The following RYR3 variants were observed in gnomAD, a reference collection of about 807,000 sequenced individuals.
RYR3 encodes the protein ryanodine receptor 3.
Under a neutral mutation model 584.3 loss-of-function variants are expected in RYR3, and 207 were observed. The observed-to-expected ratio is 0.35, with a 90% CI of 0.32 to 0.40. The LOEUF (loss-of-function observed/expected upper bound fraction) is 0.40. Among genes scored for constraint, RYR3 ranks in the 10% least tolerant of loss-of-function variants. RYR3 has a pLI of 1.00. For missense variants in RYR3, 5,616 were observed against 6,089.2 expected, an observed-to-expected ratio of 0.92 and a Z score of 2.59; for synonymous variants, 2,416 against 2,248.5, an observed-to-expected ratio of 1.07 and a Z score of -2.11.
intron 45 of RYR3, 53 bp from the exon 46 acceptor site, chr15:33,726,333 G>A: frequency 2.5e-6 from 4 of 1,603,748 alleles, no homozygotes; most frequent in Non-Finnish European, 3.4e-6. Flanking sequence ...GTGGGGTGGA[G>A]GGAGGTGTGG....
At chr15:33,420,871 C>A (rs964491374) in intron 1 of RYR3, among the ~76,000 whole-genome samples, 1 of 152,078 alleles carries the variant, frequency 6.6e-6, no homozygotes, top group African/African-American at 2.4e-5. Context: ...ATGTCCATTA[C>A]CTACCTGCTG....
At chr15:33,686,243 A>G (rs2065001542) in intron 38 of RYR3, among the ~76,000 whole-genome samples, 1 of 152,192 alleles carries the variant, frequency 6.6e-6, no homozygotes. Flanking sequence ...AAAGGGGATG[A>G]TATCACCACC....
At chr15:33,844,062 A>G (rs1276291815) in intron 92 of RYR3, among the ~76,000 whole-genome samples, 1 of 152,188 alleles carries the variant, frequency 6.6e-6, no homozygotes, top group Non-Finnish European at 1.5e-5. Context: ...GTAGGCATGT[A>G]ATAATTGTTA....
chr15:33,556,785 C>G (rs747449191), intron 10 of RYR3, among the ~76,000 whole-genome samples: 3 of 152,124 alleles, frequency 2.0e-5, no homozygotes, highest in Non-Finnish European at 2.9e-5. Context: ...CTCCTCTCTC[C>G]CCTGGCTGCA....
At chr15:33,406,044 A>G (rs1372956560) in intron 1 of RYR3, among the ~76,000 whole-genome samples, 4 of 152,232 alleles carry the variant, frequency 2.6e-5, no homozygotes, top group Admixed American at 6.5e-5. Flanking sequence ...TGAACCAAGC[A>G]GTGTACCCAG....
chr15:33,716,915 G>A (rs1209135033), intron 43 of RYR3, among the ~76,000 whole-genome samples: 1 of 151,866 alleles, frequency 6.6e-6, no homozygotes, highest in African/African-American at 2.4e-5. Context: ...CACACAAAAT[G>A]GCAGTATTAT....
chr15:33,566,924 T>G, intron 12 of RYR3, 125 bp downstream of exon 12: 1 of 1,102,636 alleles, frequency 9.1e-7, no homozygotes, highest in South Asian at 1.4e-5. Context: ...CAAAGAGTTT[T>G]ACCATCAAGA....
intron 1 of RYR3, among the ~76,000 whole-genome samples, chr15:33,415,940 TGTAA>T (rs992119289): frequency 4.6e-5 from 7 of 152,178 alleles, no homozygotes; most frequent in African/African-American, 1.7e-4. Flanking sequence ...AGCTCCTACT[TGTAA>T]GTGAGAACAT....
chr15:33,826,279 A>G lies in RYR3; in HGVS notation c.11164+10A>G, dbSNP rs766557204. The G allele has an allele frequency of 1.2e-5, 20 of 1,613,560 alleles. No homozygotes were observed. Among genetic ancestry groups the G allele is most frequent in the African/African-American group, 1.1e-4 (8 of 75,018 alleles). ...ATTGTTCGGGAACGTGGTAAGTTTC[A>G]GTTTCTGGCCTGAGTTCCTACCGTG... On this transcript the variant is annotated intron_variant, in intron 83 of 103. Coordinates refer to ENST00000634891, the MANE Select transcript of RYR3 (RefSeq NM_001036.6).
At chr15:33,640,239 C>G (rs1023213886) in intron 27 of RYR3, among the ~76,000 whole-genome samples, 3 of 152,194 alleles carry the variant, frequency 2.0e-5, no homozygotes, top group Non-Finnish European at 4.4e-5. Context: ...TACCCAGGGT[C>G]CCCTGTCATT....
At position 33,501,186 on chromosome 15, in the gene RYR3, G is replaced by C. The variant is rs537363253; in HGVS notation, c.172-2445G>C. On this transcript the variant is annotated intron_variant, in intron 2 of 103. Coordinates refer to ENST00000634891, the MANE Select transcript of RYR3 (RefSeq NM_001036.6). Reference sequence around the variant, plus strand: ...CCAGTAATGAAATTGTGAGCACCTGGGGACTTTCAATACCTGGACTGAAAG... The same window carrying C: ...CCAGTAATGAAATTGTGAGCACCTGCGGACTTTCAATACCTGGACTGAAAG... 4.6e-5 allele frequency among the ~76,000 whole-genome samples: 7 copies of C among 152,214 alleles called. No individual in the cohort carries two copies. The East Asian group carries it at 1.4e-3, about 29-fold the overall frequency.
rs1222282649 is a variant in RYR3, at chr15:33,837,842, C to T, written c.11862C>T (p.Tyr3954=). The T allele has an allele frequency of 1.9e-6, 3 of 1,614,016 alleles. No individual in the cohort carries two copies. The highest frequency in any genetic ancestry group is 2.5e-6 in the Non-Finnish European group (3 of 1,179,900). ...AGGCCATGGAAGGGCAAAAACAGTA[C>T]ACGCAGTCAGAGATTGACTTTCTCC... is the stretch of plus-strand genomic sequence containing the variant. ...FQKAMEGQKQ[Y]TQSEIDFLLS... The change falls in exon 89 of 104, where the codon TAC becomes TAT. Residue 3954 remains tyrosine (Y), a synonymous_variant. Coordinates refer to ENST00000634891, the MANE Select transcript of RYR3 (RefSeq NM_001036.6).
At chr15:33,348,931 C>T (rs1456339025) in intron 1 of RYR3, among the ~76,000 whole-genome samples, 1 of 151,950 alleles carries the variant, frequency 6.6e-6, no homozygotes, top group Non-Finnish European at 1.5e-5. Flanking sequence ...TTTTTTTCTC[C>T]TCCCCCCGAC....
intron 1 of RYR3, among the ~76,000 whole-genome samples, chr15:33,329,929 G>A (rs886844154): frequency 1.1e-4 from 16 of 152,090 alleles, no homozygotes; most frequent in South Asian, 2.1e-4. Context: ...GTTGGGAGTC[G>A]GGAAGGAAAT....
intron 55 of RYR3, among the ~76,000 whole-genome samples, chr15:33,749,550 C>T (rs1039984186): frequency 6.6e-6 from 1 of 152,170 alleles, no homozygotes; most frequent in East Asian, 1.9e-4. Context: ...ACAGCACTTT[C>T]CTTTAAGACG....
intron 67 of RYR3, among the ~76,000 whole-genome samples, chr15:33,793,104 A>T (rs1567181629): frequency 6.6e-6 from 1 of 152,228 alleles, no homozygotes; most frequent in African/African-American, 2.4e-5. Flanking sequence ...GGAATAGCTT[A>T]TAGAACTCAG....
At chr15:33,572,006 T>A (rs2058052997) in intron 12 of RYR3, among the ~76,000 whole-genome samples, 2 of 152,198 alleles carry the variant, frequency 1.3e-5, no homozygotes, top group Non-Finnish European at 1.5e-5. Context: ...ACTTAATATA[T>A]ATTTAACTTG....
At position 33,742,416 on chromosome 15, in the gene RYR3, A is replaced by G. The variant is rs1217379772; in HGVS notation, c.7871A>G (p.His2624Arg). The G allele has an allele frequency of 1.9e-6, 3 of 1,612,670 alleles. No individual in the cohort carries two copies. The highest frequency in any genetic ancestry group is 2.2e-5 in the South Asian group (2 of 91,060). ...LEYIVTKYAE[H>R]SHDKWACDKS... is the part of the protein sequence containing the mutation. ...TACATCGTCACCAAGTATGCTGAGC[A>G]TTCACATGATAAATGGGCCTGTGAC... Residue 2624 changes from histidine (H) to arginine (R), a missense_variant, in exon 52 of 104, where the codon CAT (histidine) becomes CGT (arginine). Physicochemically the swap from His to Arg is conservative, Grantham distance 29. Coordinates refer to ENST00000634891, the MANE Select transcript of RYR3 (RefSeq NM_001036.6).
chr15:33,543,443 T>G, intron 7 of RYR3, among the ~76,000 whole-genome samples, 179 bp from the exon 8 acceptor site: 1 of 152,186 alleles, frequency 6.6e-6, no homozygotes. Flanking sequence ...TAGAATTGTT[T>G]TGACTTTCCT....
Sources: allele counts gnomAD v4.1 joint callset (sites outside exome capture counted in the v4.1 genomes callset), GRCh38; gene constraint gnomAD v4.1.1; transcripts MANE v1.5; gene names NCBI Gene and HGNC (gene_info 2026-07-23, HGNC 2026-07-21).